The following FAM13A variants were observed in gnomAD, a reference collection of about 807,000 sequenced individuals.
The protein encoded by FAM13A is protein FAM13A.
FAM13A carries 76 observed loss-of-function variants against 129.6 expected under a neutral mutation model. That is an observed-to-expected ratio of 0.59 (90% confidence interval 0.49 to 0.71). The LOEUF is 0.71. FAM13A is among the 30% of genes least tolerant of loss of function. The pLI is 0.00. For synonymous variants in FAM13A, 443 were observed against 449.9 expected, an observed-to-expected ratio of 0.98 and a Z score of 0.20; for missense variants, 1,108 against 1,249.3, an observed-to-expected ratio of 0.89 and a Z score of 1.70.
At chr4:88,873,326 C>T (rs1222899298) in intron 6 of FAM13A, among the ~76,000 whole-genome samples, 14 of 151,900 alleles carry the variant, frequency 9.2e-5, no homozygotes, top group African/African-American at 3.4e-4. Flanking sequence ...ACAAAAAAAC[C>T]CTTCAAAAAA....
intron 6 of FAM13A, among the ~76,000 whole-genome samples, chr4:88,879,336 G>A (rs2150117446): frequency 6.6e-6 from 1 of 152,300 alleles, no homozygotes; most frequent in Admixed American, 6.5e-5. Flanking sequence ...AAAGCAGGTA[G>A]TATAACATGC....
At chr4:88,966,207 A>G (rs1759329106) in intron 4 of FAM13A, among the ~76,000 whole-genome samples, 2 of 152,216 alleles carry the variant, frequency 1.3e-5, no homozygotes. Flanking sequence ...GAAAAACAGT[A>G]TAATATAGAT....
At chr4:88,867,342 G>A (rs1203818363) in intron 6 of FAM13A, among the ~76,000 whole-genome samples, 1 of 152,122 alleles carries the variant, frequency 6.6e-6, no homozygotes, top group East Asian at 1.9e-4. Flanking sequence ...CAGCCCTTCA[G>A]CATACACTTG....
At chr4:88,864,430 G>A (rs1269717326) in intron 6 of FAM13A, among the ~76,000 whole-genome samples, 1 of 152,126 alleles carries the variant, frequency 6.6e-6, no homozygotes, top group East Asian at 1.9e-4. Context: ...TTATTTTTGA[G>A]ACAGAGTCTT....
At chr4:88,747,545 C>T in intron 18 of FAM13A, 86 bp downstream of exon 18, 1 of 1,092,674 alleles carries the variant, frequency 9.2e-7, no homozygotes, top group Non-Finnish European at 1.4e-6. Flanking sequence ...CATCATCTTC[C>T]CACTGGGATT....
chr4:89,020,488 C>T lies in FAM13A; in HGVS notation c.399G>A (p.Leu133=). The T allele has an allele frequency of 6.2e-7, 1 of 1,613,848 alleles. No homozygotes were observed. Among genetic ancestry groups the T allele is most frequent in the Non-Finnish European group, 8.5e-7 (1 of 1,179,810 alleles). The change falls in exon 3 of 24, where the codon TTG becomes TTA. Residue 133 remains leucine, a synonymous_variant. Transcript: ENST00000264344. ...GAAAGAGTTGAATGAATCGAGGCTG[C>T]AACGCTGAGGTGATCAGACTGTCAG... is the stretch of plus-strand genomic sequence containing the variant. ...ELPDSLITSA[L]QPRFIQLFQD...
At chr4:88,921,890 G>A (rs966430135) in intron 5 of FAM13A, among the ~76,000 whole-genome samples, 22 of 151,980 alleles carry the variant, frequency 1.4e-4, no homozygotes, top group Admixed American at 8.5e-4. Flanking sequence ...AAAAAGGCAG[G>A]GGTGGCAATC....
At chr4:89,017,746 T>C (rs1766688473) in intron 3 of FAM13A, among the ~76,000 whole-genome samples, 1 of 152,154 alleles carries the variant, frequency 6.6e-6, no homozygotes. Context: ...AAAATATTCC[T>C]TGTAAAAAGG....
intron 5 of FAM13A, among the ~76,000 whole-genome samples, chr4:88,910,041 G>A (rs1748829256): frequency 1.3e-5 from 2 of 152,126 alleles, no homozygotes; most frequent in African/African-American, 4.8e-5. Context: ...GGGATGTTGT[G>A]TTTCTAAGTG....
At chr4:88,866,057 C>T (rs1242327775) in intron 6 of FAM13A, among the ~76,000 whole-genome samples, 1 of 150,164 alleles carries the variant, frequency 6.7e-6, no homozygotes, top group African/African-American at 2.5e-5. Context: ...TATATATATA[C>T]ATTTTTTGAG....
intron 3 of FAM13A, among the ~76,000 whole-genome samples, chr4:89,014,299 C>T (rs375463725): frequency 3.9e-5 from 6 of 152,162 alleles, no homozygotes; most frequent in South Asian, 4.1e-4. Context: ...AATACCTATT[C>T]CTTGATTTAA....
At position 88,824,853 on chromosome 4, in the gene FAM13A, G is replaced by A. The variant is rs186766782; in HGVS notation, c.1008-19801C>T. 3.8e-4 allele frequency among the ~76,000 whole-genome samples: 58 copies of A among 152,024 alleles called. No individual in the cohort carries two copies. In the East Asian group the frequency reaches 4.3e-3, roughly 11 times the overall value. On this transcript the variant is annotated intron_variant, in intron 7 of 23. Coordinates refer to ENST00000264344, the MANE Select transcript of FAM13A (RefSeq NM_014883.4). ...CTCCCGAGTAGCTGGAATTACAGGC[G>A]CCCGCCACCATGACTGGCTAATTTT...
intron 7 of FAM13A, among the ~76,000 whole-genome samples, chr4:88,846,088 A>T (rs971312293): frequency 6.6e-6 from 1 of 152,180 alleles, no homozygotes; most frequent in East Asian, 1.9e-4. Flanking sequence ...TAATCTCTTT[A>T]TGAGACAACC....
chr4:88,966,447 T>C (rs1211887759), intron 4 of FAM13A, among the ~76,000 whole-genome samples: 1 of 152,174 alleles, frequency 6.6e-6, no homozygotes, highest in Non-Finnish European at 1.5e-5. Context: ...CTCTCTTACC[T>C]TTGACCTTTT....
intron 4 of FAM13A, among the ~76,000 whole-genome samples, chr4:88,979,623 T>C (rs1384993590): frequency 6.6e-6 from 1 of 152,186 alleles, no homozygotes; most frequent in African/African-American, 2.4e-5. Context: ...TCTATAACAT[T>C]ACCAGGAACC....
chr4:88,974,372 G>C (rs1467317418), intron 4 of FAM13A, among the ~76,000 whole-genome samples: 1 of 152,170 alleles, frequency 6.6e-6, no homozygotes, highest in East Asian at 1.9e-4. Context: ...AAGAAGTGTT[G>C]TTGATTTTTC....
intron 3 of FAM13A, among the ~76,000 whole-genome samples, chr4:89,010,279 T>C (rs1173508690): frequency 6.6e-6 from 1 of 152,208 alleles, no homozygotes; most frequent in African/African-American, 2.4e-5. Flanking sequence ...GAGTCTGTGT[T>C]TCCCGAGTGG....
Position 88,906,405 on chromosome 4 carries a change from T to C in FAM13A, c.817A>G (p.Met273Val), listed in dbSNP as rs765619642. 1.4e-5 allele frequency: 23 copies of C among 1,612,124 alleles called. No homozygotes were observed. The Admixed American group carries it at 3.7e-4, about 26-fold the overall frequency. The change falls in exon 6 of 24, where the codon ATG (methionine) becomes GTG (valine). Residue 273 changes from methionine to valine, a missense_variant. Met to Val is a conservative substitution (Grantham distance 21). Coordinates refer to ENST00000264344, the MANE Select transcript of FAM13A (RefSeq NM_014883.4). ...TTGGTTTTTGGAGGTGGTTTTGGCA[T>C]GTCTCTTTCTAAGCCTCTTGTTAAA... ...ILLTRGLERD[M>V]PKPPPKTKIP...
At chr4:88,803,151 T>C (rs1387169453) in intron 8 of FAM13A, among the ~76,000 whole-genome samples, 1 of 152,224 alleles carries the variant, frequency 6.6e-6, no homozygotes, top group Non-Finnish European at 1.5e-5. Context: ...TATGTCTTGA[T>C]TGGGCCTACT....
Sources: allele counts gnomAD v4.1 joint callset (sites outside exome capture counted in the v4.1 genomes callset), GRCh38; gene constraint gnomAD v4.1.1; transcripts MANE v1.5; gene names NCBI Gene and HGNC (gene_info 2026-07-23, HGNC 2026-07-21).